ASTN2: variants seen among roughly 807,000 people sequenced by gnomAD.
ASTN2 encodes the protein astrotactin 2.
ASTN2 carries 54 observed loss-of-function variants against 139.8 expected under a neutral mutation model. The ratio of observed to expected loss-of-function variants is 0.39; its 90% CI spans 0.31 to 0.48. The LOEUF (loss-of-function observed/expected upper bound fraction) is 0.48, where lower values mean the gene tolerates loss of function less well. Among genes scored for constraint, ASTN2 ranks in the 20% least tolerant of loss-of-function variants. The pLI, the probability that ASTN2 is intolerant of heterozygous loss-of-function variation, is 0.95. For missense variants in ASTN2, 1,565 were observed against 1,725.1 expected (o/e 0.91, Z 1.64); for synonymous variants, 756 against 719.5 (o/e 1.05, Z -0.81).
chr9:116,659,893 G>A (rs1858451905), intron 16 of ASTN2, among the ~76,000 whole-genome samples: 1 of 152,120 alleles, frequency 6.6e-6, no homozygotes. Flanking sequence ...ATTAAACTTA[G>A]ACTAACTTCT....
intron 13 of ASTN2, among the ~76,000 whole-genome samples, chr9:116,780,518 C>A (rs917708884): frequency 1.3e-5 from 2 of 152,076 alleles, no homozygotes; most frequent in African/African-American, 4.8e-5. Context: ...GTGTGAGAAG[C>A]AATTGGAAAG....
At chr9:117,066,769 T>A (rs1199402143) in intron 5 of ASTN2, among the ~76,000 whole-genome samples, 2 of 152,000 alleles carry the variant, frequency 1.3e-5, no homozygotes, top group African/African-American at 2.4e-5. Context: ...ATGATGAGCA[T>A]TTTTTCATGT....
chr9:117,016,738 GTTATATATAGGTT>G (rs972740046), intron 6 of ASTN2, among the ~76,000 whole-genome samples: 5 of 132,948 alleles, frequency 3.8e-5, no homozygotes, highest in African/African-American at 1.1e-4. Flanking sequence ...ATATATATAG[GTTATATATAGGTT>G]TTATATATAG....
chr9:116,600,323 C>CAAAAAAAAAAAA (rs35224783), intron 19 of ASTN2, among the ~76,000 whole-genome samples: 4 of 118,944 alleles, frequency 3.4e-5, no homozygotes, highest in Non-Finnish European at 5.2e-5. Flanking sequence ...GACCCTGTCT[C>CAAAAAAAAAAAA]AAAAAAAAAA....
In ASTN2 at chr9:116,620,459, G is replaced by C. The variant is rs1856079097; in HGVS notation, c.3073-16C>G. On this transcript the variant is annotated splice_polypyrimidine_tract_variant and intron_variant, in intron 17 of 22. Coordinates refer to ENST00000313400, the MANE Select transcript of ASTN2 (RefSeq NM_001365068.1). ...TCTTGAAGGCCTGGACAAAAAAAGA[G>C]GACAGAATAGACAATGATGACAACA... 1 of 1,613,890 alleles carries C rather than the reference G, an allele frequency of 6.2e-7. No homozygotes were observed. The highest frequency in any genetic ancestry group is 8.5e-7 in the Non-Finnish European group (1 of 1,179,988).
Position 116,487,985 on chromosome 9 carries a change from G to A in ASTN2, c.3356-485C>T, listed in dbSNP as rs533006314. On this transcript the variant is annotated intron_variant, in intron 19 of 22. Transcript: ENST00000313400. ...ATTGCCACTGTTAGGCATGGGTACT[G>A]GATTCATGGAGTGTTATAGTGAGAT... Among the ~76,000 whole-genome samples the A allele has an allele frequency of 4.6e-5, 7 of 152,252 alleles. No individual in the cohort carries two copies. In the East Asian group the frequency reaches 5.8e-4, roughly 13 times the overall value.
intron 1 of ASTN2, among the ~76,000 whole-genome samples, chr9:117,407,994 C>T (rs768361194): frequency 5.3e-5 from 8 of 152,120 alleles, no homozygotes; most frequent in Non-Finnish European, 1.2e-4. Context: ...TCCACCCACC[C>T]CCAAAGGCAG....
intron 19 of ASTN2, among the ~76,000 whole-genome samples, chr9:116,489,669 T>C (rs961520960): frequency 3.3e-5 from 5 of 152,224 alleles, no homozygotes; most frequent in Non-Finnish European, 7.3e-5. Flanking sequence ...AGAGTTTCAT[T>C]CTTCGTCTCA....
intron 19 of ASTN2, among the ~76,000 whole-genome samples, chr9:116,499,424 TG>T (rs1352571611): frequency 6.6e-6 from 1 of 152,164 alleles, no homozygotes; most frequent in African/African-American, 2.4e-5. Context: ...TCATACCCAA[TG>T]TCTTTCAAAA....
chr9:116,864,799 ATTC>A (rs955281549), intron 10 of ASTN2, among the ~76,000 whole-genome samples: 3 of 152,098 alleles, frequency 2.0e-5, no homozygotes, highest in Admixed American at 1.3e-4. Context: ...ACCTTCTCCC[ATTC>A]TTCTCCACCT....
At position 117,026,741 on chromosome 9, in the gene ASTN2, A is replaced by G. The variant is rs146942576; in HGVS notation, c.1423+13078T>C. Among the ~76,000 whole-genome samples, 13 of 152,296 alleles carry G rather than the reference A, an allele frequency of 8.5e-5. No homozygotes were observed. The East Asian group carries it at 2.3e-3, about 27-fold the overall frequency. On this transcript the variant is annotated intron_variant, in intron 6 of 22. Transcript: ENST00000313400. ...TTAAACAAATCTTTATTGAACACTG[A>G]TTGTGTACTGGGGATTACAAAGGAA...
Position 116,440,711 on chromosome 9 carries a change from T to C in ASTN2, c.3680A>G (p.Glu1227Gly). Residue 1227 changes from glutamate (E) to glycine (G), a missense_variant, in exon 22 of 23, where the codon GAG becomes GGG. Physicochemically the swap from Glu to Gly is moderately conservative, Grantham distance 98 (BLOSUM62 -2). Transcript: ENST00000313400. ...TCGGAACAGCATCGAGGCTGAGACC[T>C]CCATCAGTGTGTTGTAGGCCATCTG... The part of the protein sequence containing the change: ...EQQMAYNTLM[E>G]VSASMLFRVQ... 6.2e-7 allele frequency: 1 copy of C among 1,614,200 alleles called. No homozygotes were observed. The highest frequency in any genetic ancestry group is 2.2e-5 in the East Asian group (1 of 44,884).
At chr9:117,075,492 GGA>G (rs1346480070) in intron 5 of ASTN2, among the ~76,000 whole-genome samples, 2 of 147,592 alleles carry the variant, frequency 1.4e-5, no homozygotes, top group African/African-American at 2.5e-5. Flanking sequence ...CAGATGGAGG[GGA>G]AGGGGGAGGG....
At chr9:117,362,575 TC>T (rs1417740419) in intron 1 of ASTN2, among the ~76,000 whole-genome samples, 1 of 152,164 alleles carries the variant, frequency 6.6e-6, no homozygotes, top group Non-Finnish European at 1.5e-5. Context: ...AGGGAGTTCC[TC>T]TTTCTCAAAT....
chr9:117,073,726 C>G, intron 5 of ASTN2, among the ~76,000 whole-genome samples: 1 of 152,088 alleles, frequency 6.6e-6, no homozygotes. Flanking sequence ...CTGGGGGGTG[C>G]TCTTGGGTAA....
chr9:117,142,319 G>T (rs1830094771), intron 3 of ASTN2, among the ~76,000 whole-genome samples: 1 of 152,182 alleles, frequency 6.6e-6, no homozygotes, highest in Admixed American at 6.5e-5. Context: ...AGGAAAGGAG[G>T]CCTGGACTGA....
intron 13 of ASTN2, among the ~76,000 whole-genome samples, chr9:116,778,416 A>AT: frequency 1.5e-5 from 2 of 133,750 alleles, no homozygotes; most frequent in South Asian, 4.9e-4. Context: ...TATTACTATT[A>AT]TTTTTACTTC....
Position 116,502,730 on chromosome 9 carries a change from GGAAT to G in ASTN2, c.3356-15234_3356-15231del, listed in dbSNP as rs141207691. On this transcript the variant is annotated intron_variant, in intron 19 of 22. Coordinates refer to ENST00000313400, the MANE Select transcript of ASTN2 (RefSeq NM_001365068.1). ...AGGAAGGAAGGAAGGAAGGAAGGAAGGAATGAATGAATGAATGAGGGAAGGAAGG... is the reference window on the plus strand; with the variant it reads ...AGGAAGGAAGGAAGGAAGGAAGGAAGGAATGAATGAATGAGGGAAGGAAGG... Among the ~76,000 whole-genome samples, 103 of 21,268 alleles carry G rather than the reference GGAAT, an allele frequency of 4.8e-3. 6 individuals are homozygous for G. Among genetic ancestry groups the G allele is most frequent in the African/African-American group, 8.4e-3 (66 of 7,840 alleles). The allele number at this position is 21,268 out of a possible 152,430, so 14.0% of individuals were successfully genotyped here. A position where few individuals can be genotyped will look rare whatever the true frequency, so the allele number is the denominator to read the frequency against.
chr9:117,129,956 C>T (rs1366282200), intron 4 of ASTN2, among the ~76,000 whole-genome samples: 2 of 152,020 alleles, frequency 1.3e-5, no homozygotes, highest in Non-Finnish European at 2.9e-5. Flanking sequence ...AACTTTGTGT[C>T]CTTATGCTTT....
Sources: gnomAD v4.1 joint callset for allele counts (sites outside exome capture counted in the v4.1 genomes callset) on GRCh38, gnomAD v4.1.1 for gene constraint, MANE v1.5 for transcripts, NCBI Gene and HGNC (gene_info 2026-07-23, HGNC 2026-07-21) for gene names.